The following FTO variants were observed in gnomAD, a reference collection of about 807,000 sequenced individuals.
The protein encoded by FTO is FTO alpha-ketoglutarate dependent dioxygenase.
A neutral mutation model predicts 63.9 loss-of-function variants in FTO; 47 were observed. The observed-to-expected ratio is 0.74, with a 90% CI of 0.58 to 0.94. The LOEUF (loss-of-function observed/expected upper bound fraction) is 0.94. Among genes scored for constraint, FTO ranks in the 40% least tolerant of loss-of-function variants. FTO has a pLI of 0.00. For missense variants in FTO, 562 were observed against 618.1 expected (o/e 0.91, Z 0.96); for synonymous variants, 207 against 224.4 (o/e 0.92, Z 0.69).
At chr16:54,002,535 C>T (rs1232213114) in intron 8 of FTO, among the ~76,000 whole-genome samples, 2 of 152,204 alleles carry the variant, frequency 1.3e-5, no homozygotes, top group Admixed American at 6.5e-5. Flanking sequence ...GTGGAGAAAC[C>T]TGTGAGGAAA....
At chr16:53,996,244 A>G (rs574552071) in intron 8 of FTO, among the ~76,000 whole-genome samples, 2 of 152,240 alleles carry the variant, frequency 1.3e-5, no homozygotes, top group African/African-American at 4.8e-5. Flanking sequence ...TGCTTGAAAC[A>G]GGACACATCC....
At chr16:54,079,201 C>T (rs1265316616) in intron 8 of FTO, among the ~76,000 whole-genome samples, 2 of 152,100 alleles carry the variant, frequency 1.3e-5, no homozygotes, top group African/African-American at 2.4e-5. Context: ...ATGCTAGGTA[C>T]GCCCTTAGAG....
At chr16:53,990,685 T>A (rs1417707153) in intron 8 of FTO, among the ~76,000 whole-genome samples, 1 of 73,644 alleles carries the variant, frequency 1.4e-5, no homozygotes, top group Non-Finnish European at 2.5e-5. Context: ...ATTTTATTTT[T>A]GAGACAGAGT....
chr16:54,010,008 G>T (rs189290182), intron 8 of FTO, among the ~76,000 whole-genome samples: 15 of 152,158 alleles, frequency 9.9e-5, no homozygotes, highest in African/African-American at 3.6e-4. Flanking sequence ...AGTGACCTTT[G>T]TGCATACCCT....
intron 8 of FTO, among the ~76,000 whole-genome samples, chr16:53,962,591 A>T (rs1433679864): frequency 6.6e-6 from 1 of 152,204 alleles, no homozygotes; most frequent in East Asian, 1.9e-4. Flanking sequence ...CAGTCCACAG[A>T]TAATGATGCG....
At chr16:53,844,952 C>T (rs111441373) in intron 4 of FTO, among the ~76,000 whole-genome samples, 2,130 of 146,338 alleles carry the variant, frequency 0.015, 27 homozygotes, top group Non-Finnish European at 0.022. Context: ...GTTGTTTCTT[C>T]TCAGGAACAG....
rs886052122 is a variant in FTO at position 54,114,327 on chromosome 16, C to G, written c.*2412C>G. The G allele has an allele frequency of 1.2e-4, 19 of 152,146 alleles. No individual in the cohort carries two copies. Among genetic ancestry groups the G allele is most frequent in the Admixed American group, 4.6e-4 (7 of 15,272 alleles). The allele number at this position is 152,146 out of a possible 1,614,324, so 9.4% of individuals were successfully genotyped here. A position where few individuals can be genotyped will look rare whatever the true frequency, so the allele number is the denominator to read the frequency against. The stretch of plus-strand genomic sequence containing the variant: ...TCCAAACCTGCTTGCTTGCACCCCT[C>G]TAGTCGAAATATTTTGTGCTTACCC... On this transcript the variant is annotated 3_prime_UTR_variant, in exon 9 of 9. Transcript: ENST00000471389.
At chr16:53,954,741 G>A (rs909935657) in intron 8 of FTO, among the ~76,000 whole-genome samples, 3 of 152,002 alleles carry the variant, frequency 2.0e-5, no homozygotes, top group Non-Finnish European at 2.9e-5. Context: ...AGAGCCCATG[G>A]GCTGTTGAGC....
intron 8 of FTO, among the ~76,000 whole-genome samples, chr16:53,949,062 G>A (rs1025858682): frequency 6.6e-6 from 1 of 152,208 alleles, no homozygotes; most frequent in Non-Finnish European, 1.5e-5. Context: ...GGTGTATATG[G>A]TGCTCATTGT....
intron 8 of FTO, among the ~76,000 whole-genome samples, chr16:54,090,942 C>T (rs1432226721): frequency 6.6e-6 from 1 of 152,202 alleles, no homozygotes; most frequent in Non-Finnish European, 1.5e-5. Context: ...CATGTGGGCT[C>T]TCCAGCAGGG....
Position 53,912,448 on chromosome 16 carries a change from A to G in FTO, c.1240-21537A>G, listed in dbSNP as rs2081735880. 2.0e-5 allele frequency among the ~76,000 whole-genome samples: 3 copies of G among 152,306 alleles called. No individual in the cohort carries two copies. The South Asian group carries it at 6.2e-4, about 32-fold the overall frequency. ...TTAGCATCATTATGAATACTACACC[A>G]AAGGGGTTTGTTTATGTTTTCCATT... On this transcript the variant is annotated intron_variant, in intron 7 of 8. Transcript: ENST00000471389.
intron 8 of FTO, among the ~76,000 whole-genome samples, chr16:54,021,300 C>T (rs2084593101): frequency 1.3e-5 from 2 of 152,106 alleles, no homozygotes; most frequent in Admixed American, 1.3e-4. Flanking sequence ...TTTCCCCCTG[C>T]AGTAATCCAT....
chr16:53,775,997 C>A (rs1278770636), intron 1 of FTO, among the ~76,000 whole-genome samples: 2 of 152,082 alleles, frequency 1.3e-5, no homozygotes, highest in Admixed American at 6.6e-5. Flanking sequence ...ATGGTTTAGA[C>A]ATCTACTTGC....
At position 53,839,798 on chromosome 16, in the gene FTO, TATTTATTTATTTA is replaced by T. The variant is rs1567346942; in HGVS notation, c.752-4356_752-4344del. ...TTTTTTATTTATTTATTTATTTATT[TATTTATTTATTTA>T]TTTATTTATTTTAAGGTGCAGTGTC... On this transcript the variant is annotated intron_variant, in intron 3 of 8. Coordinates refer to ENST00000471389, the MANE Select transcript of FTO (RefSeq NM_001080432.3). Among the ~76,000 whole-genome samples the T allele has an allele frequency of 3.8e-5, 4 of 104,474 alleles. No individual in the cohort carries two copies. In the East Asian group the frequency reaches 1.0e-3, roughly 26 times the overall value. 68.5% of individuals were successfully genotyped at this position (104,474 alleles called of 152,430 possible). A position where few individuals can be genotyped will look rare whatever the true frequency, so the allele number is the denominator to read the frequency against.
rs1351611106 is a variant in FTO, at chr16:53,982,833, C to T, written c.1364+48724C>T. ...GCCCCAAATTACTTAAGGGCTTCTG[C>T]TAACATGAAAATAAGACTCTTGACT... On this transcript the variant is annotated intron_variant, in intron 8 of 8. Transcript: ENST00000471389. Among the ~76,000 whole-genome samples the T allele has an allele frequency of 2.0e-5, 3 of 152,142 alleles. No homozygotes were observed. The East Asian group carries it at 5.8e-4, about 29-fold the overall frequency.
chr16:53,732,494 A>C (rs2151515618), intron 1 of FTO, among the ~76,000 whole-genome samples: 1 of 152,282 alleles, frequency 6.6e-6, no homozygotes, highest in South Asian at 2.1e-4. Context: ...GTATCAAGTC[A>C]CTTTCCAGTT....
Position 54,018,409 on chromosome 16 carries a change from G to GATAGATAGATAGATAGATAC in FTO, c.1364+84303_1364+84304insGATAGATAGATAGATACATA, listed in dbSNP as rs1474063795. Among the ~76,000 whole-genome samples the GATAGATAGATAGATAGATAC allele has an allele frequency of 6.8e-3, 962 of 142,098 alleles. 4 individuals carry two copies. Among genetic ancestry groups the GATAGATAGATAGATAGATAC allele is most frequent in the Non-Finnish European group, 9.8e-3 (644 of 65,560 alleles). The allele number at this position is 142,098 out of a possible 152,430, so 93.2% of individuals were successfully genotyped here. A position where few individuals can be genotyped will look rare whatever the true frequency, so the allele number is the denominator to read the frequency against. On this transcript the variant is annotated intron_variant, in intron 8 of 8. Coordinates refer to ENST00000471389, the MANE Select transcript of FTO (RefSeq NM_001080432.3). ...TGATAGATAGATAGATAGATAGATA[G>GATAGATAGATAGATAGATAC]ATACATACATACATACATACATACA... is the stretch of plus-strand genomic sequence containing the variant.
At chr16:53,966,474 C>T (rs2083199691) in intron 8 of FTO, among the ~76,000 whole-genome samples, 1 of 152,148 alleles carries the variant, frequency 6.6e-6, no homozygotes, top group Non-Finnish European at 1.5e-5. Flanking sequence ...CAAGCAGCTG[C>T]CTTTATAACT....
intron 8 of FTO, among the ~76,000 whole-genome samples, chr16:53,980,107 G>C (rs1261432465): frequency 1.3e-5 from 2 of 152,318 alleles, no homozygotes; most frequent in Admixed American, 1.3e-4. Context: ...GAAGAAGGTA[G>C]AACTAGTCCC....
Sources: allele counts gnomAD v4.1 joint callset (sites outside exome capture counted in the v4.1 genomes callset), GRCh38; gene constraint gnomAD v4.1.1; transcripts MANE v1.5; gene names NCBI Gene and HGNC (gene_info 2026-07-23, HGNC 2026-07-21).